The following PELI2 variants were observed in gnomAD, a reference collection of about 807,000 sequenced individuals.
PELI2 encodes E3 ubiquitin-protein ligase pellino homolog 2.
Under a neutral mutation model 42.3 loss-of-function variants are expected in PELI2, and 23 were observed. That is an observed-to-expected ratio of 0.54 (90% CI 0.39 to 0.77). The LOEUF is 0.77. Ranked by LOEUF, PELI2 falls within the 30% of genes least tolerant of loss-of-function variation. The probability of loss-of-function intolerance (pLI) is 0.00; values close to 1 mark genes in which losing one functional copy is unlikely to be tolerated. For missense variants in PELI2, 463 were observed against 553.2 expected, an observed-to-expected ratio of 0.84 and a Z score of 1.64; for synonymous variants, 245 against 212.2, an observed-to-expected ratio of 1.15 and a Z score of -1.34.
intron 3 of PELI2, among the ~76,000 whole-genome samples, chr14:56,286,309 A>G (rs56387985): frequency 0.13 from 20,425 of 152,256 alleles, 1,745 homozygotes; most frequent in Middle Eastern, 0.21. Context: ...TCCTTATCCC[A>G]GGAGGGAAGT....
intron 2 of PELI2, among the ~76,000 whole-genome samples, chr14:56,223,048 C>G (rs765744501): frequency 6.6e-6 from 1 of 152,140 alleles, no homozygotes; most frequent in African/African-American, 2.4e-5. Context: ...GCAGCCGACC[C>G]CTGTTCAAGG....
At chr14:56,253,002 C>G (rs1201651698) in intron 2 of PELI2, among the ~76,000 whole-genome samples, 3 of 152,068 alleles carry the variant, frequency 2.0e-5, no homozygotes, top group Non-Finnish European at 4.4e-5. Context: ...CAAAATCCAC[C>G]ATGATCAAGT....
intron 1 of PELI2, among the ~76,000 whole-genome samples, chr14:56,153,117 C>T (rs544539401): frequency 3.7e-4 from 57 of 152,244 alleles, no homozygotes; most frequent in Middle Eastern, 3.4e-3. Context: ...AGATTCATAA[C>T]TCTTTGAATC....
At chr14:56,182,360 T>G (rs1187023304) in intron 2 of PELI2, among the ~76,000 whole-genome samples, 1 of 152,208 alleles carries the variant, frequency 6.6e-6, no homozygotes, top group Non-Finnish European at 1.5e-5. Context: ...TTCGTTTACT[T>G]TTTTATGATA....
At chr14:56,254,648 A>C (rs1282941405) in intron 2 of PELI2, among the ~76,000 whole-genome samples, 1 of 152,216 alleles carries the variant, frequency 6.6e-6, no homozygotes, top group African/African-American at 2.4e-5. Flanking sequence ...AATGGGATCT[A>C]AGTAAACTAA....
chr14:56,261,100 C>T (rs1566670959), intron 2 of PELI2, among the ~76,000 whole-genome samples: 1 of 151,970 alleles, frequency 6.6e-6, no homozygotes, highest in South Asian at 2.1e-4. Context: ...ACGAAGCTTC[C>T]CAGTTATTCA....
intron 2 of PELI2, among the ~76,000 whole-genome samples, chr14:56,231,581 C>G (rs1178904497): frequency 6.6e-6 from 1 of 152,166 alleles, no homozygotes; most frequent in Non-Finnish European, 1.5e-5. Context: ...ACACAACATA[C>G]CAGAATCTCT....
At chr14:56,218,393 G>C (rs192505013) in intron 2 of PELI2, among the ~76,000 whole-genome samples, 1 of 152,358 alleles carries the variant, frequency 6.6e-6, no homozygotes, top group Non-Finnish European at 1.5e-5. Flanking sequence ...GAGCAAAGAA[G>C]TAGTTCCAGG....
intron 2 of PELI2, among the ~76,000 whole-genome samples, chr14:56,182,935 C>T (rs781777317): frequency 5.9e-5 from 9 of 152,170 alleles, no homozygotes; most frequent in Non-Finnish European, 1.2e-4. Flanking sequence ...CGTTGATCTC[C>T]TGCACGTTCA....
intron 1 of PELI2, among the ~76,000 whole-genome samples, chr14:56,160,545 C>T (rs1884723774): frequency 6.6e-6 from 1 of 152,104 alleles, no homozygotes; most frequent in African/African-American, 2.4e-5. Flanking sequence ...CCTTGGGAAG[C>T]ATTTTGGCAT....
chr14:56,135,375 T>C (rs1883647736), intron 1 of PELI2, among the ~76,000 whole-genome samples: 1 of 152,192 alleles, frequency 6.6e-6, no homozygotes, highest in Non-Finnish European at 1.5e-5. Flanking sequence ...ATCTGGCCGA[T>C]TATTTTTTGC....
intron 2 of PELI2, among the ~76,000 whole-genome samples, chr14:56,187,542 A>C (rs1216772190): frequency 6.6e-6 from 1 of 152,224 alleles, no homozygotes; most frequent in Non-Finnish European, 1.5e-5. Context: ...CACAGACTTC[A>C]AGGGAGGATC....
At chr14:56,223,865 G>A (rs1342172496) in intron 2 of PELI2, among the ~76,000 whole-genome samples, 1 of 152,168 alleles carries the variant, frequency 6.6e-6, no homozygotes, top group Admixed American at 6.5e-5. Context: ...ATTCCAGAAG[G>A]AGATTAATTT....
At chr14:56,188,786 G>T (rs1228704351) in intron 2 of PELI2, among the ~76,000 whole-genome samples, 1 of 152,134 alleles carries the variant, frequency 6.6e-6, no homozygotes, top group African/African-American at 2.4e-5. Context: ...TAGATTTTTT[G>T]AATGTTTAGT....
At chr14:56,143,342 A>G (rs1883987634) in intron 1 of PELI2, among the ~76,000 whole-genome samples, 1 of 152,232 alleles carries the variant, frequency 6.6e-6, no homozygotes, top group Non-Finnish European at 1.5e-5. Flanking sequence ...TACCTTGATC[A>G]CTTAGTGAAG....
chr14:56,128,464 A>G (rs1174870498), intron 1 of PELI2, among the ~76,000 whole-genome samples: 2 of 152,336 alleles, frequency 1.3e-5, no homozygotes, highest in Admixed American at 1.3e-4. Context: ...GAATCTGATT[A>G]GAAGGTAGGT....
intron 2 of PELI2, among the ~76,000 whole-genome samples, chr14:56,246,318 T>TA (rs1036858398): frequency 6.6e-6 from 1 of 152,232 alleles, no homozygotes; most frequent in African/African-American, 2.4e-5. Context: ...CCCTTCCCTT[T>TA]AACCGTAACT....
At chr14:56,143,103 G>T (rs1365236635) in intron 1 of PELI2, among the ~76,000 whole-genome samples, 3 of 151,922 alleles carry the variant, frequency 2.0e-5, no homozygotes, top group African/African-American at 7.3e-5. Context: ...TGGTTGTCAT[G>T]TCTCCTTACT....
chr14:56,290,231 T>C, intron 4 of PELI2, 37 bp from the exon 5 acceptor site: 1 of 1,453,774 alleles, frequency 6.9e-7, no homozygotes, highest in East Asian at 2.3e-5. Context: ...CAACATCATC[T>C]TAACCTACTT....
Sources: gnomAD v4.1 joint callset for allele counts (sites outside exome capture counted in the v4.1 genomes callset) on GRCh38, gnomAD v4.1.1 for gene constraint, MANE v1.5 for transcripts, NCBI Gene and HGNC (gene_info 2026-07-23, HGNC 2026-07-21) for gene names.